ARL6IP5: variants seen among roughly 807,000 people sequenced by gnomAD.
The protein encoded by ARL6IP5 is PRA1 family protein 3.
A neutral mutation model predicts 13.0 loss-of-function variants in ARL6IP5; 6 were observed. That is an observed-to-expected ratio of 0.46 (90% CI 0.25 to 0.91). The LOEUF is 0.91. ARL6IP5 is among the 40% of genes least tolerant of loss of function. The probability of loss-of-function intolerance (pLI) is 0.17; values close to 1 mark genes in which losing one functional copy is unlikely to be tolerated. For synonymous variants in ARL6IP5, 91 were observed against 91.9 expected, an observed-to-expected ratio of 0.99 and a Z score of 0.06; for missense variants, 208 against 248.8, an observed-to-expected ratio of 0.84 and a Z score of 1.10.
rs763481248 is a variant in ARL6IP5, at chr3:69,104,501, CAAGAACAAACTG to C, written c.433_444del (p.Lys145_Leu148del). 7 of 1,613,838 alleles carry C rather than the reference CAAGAACAAACTG, an allele frequency of 4.3e-6. No individual in the cohort carries two copies. In the African/African-American group the frequency reaches 8.0e-5, roughly 18 times the overall value. On this transcript the variant is annotated inframe_deletion, in exon 3 of 3. Coordinates refer to ENST00000273258, the MANE Select transcript of ARL6IP5 (RefSeq NM_006407.4). The stretch of plus-strand genomic sequence containing the variant: ...ATGCATCGTTGAGACTTCGGAACCT[CAAGAACAAACTG>C]GAGAATAAAATGGAAGGAATAGGTT...
Position 69,105,130 on chromosome 3 carries a change from C to CT in ARL6IP5, c.*495dup, listed in dbSNP as rs2092318678. On this transcript the variant is annotated 3_prime_UTR_variant, in exon 3 of 3. Transcript: ENST00000273258. ...TTCTCTTAAAAATCAAAGATGATCT[C>CT]TATCACTTTGCCACCTGTTTGATGT... 14 of 436,910 alleles carry CT rather than the reference C, an allele frequency of 3.2e-5. No individual in the cohort carries two copies. In the South Asian group the frequency reaches 4.6e-4, roughly 14 times the overall value. The allele number at this position is 436,910 out of a possible 1,614,324, so 27.1% of individuals were successfully genotyped here. A position where few individuals can be genotyped will look rare whatever the true frequency, so the allele number is the denominator to read the frequency against.
chr3:69,093,043 A>C, intron 1 of ARL6IP5, among the ~76,000 whole-genome samples: 1 of 152,148 alleles, frequency 6.6e-6, no homozygotes. Flanking sequence ...GGTTTTATGA[A>C]GTCTAATCAG....
intron 1 of ARL6IP5, among the ~76,000 whole-genome samples, chr3:69,086,251 G>A (rs556740634): frequency 2.0e-5 from 3 of 152,308 alleles, no homozygotes; most frequent in South Asian, 4.1e-4. Context: ...CAGTTGGCTC[G>A]CAGTTAATTG....
rs2092320268 is a variant in ARL6IP5 at position 69,105,673 on chromosome 3, G to A, written c.*1037G>A. 2 of 152,184 alleles carry A rather than the reference G, an allele frequency of 1.3e-5. No homozygotes were observed. The allele number at this position is 152,184 out of a possible 1,614,324, so 9.4% of individuals were successfully genotyped here. A position where few individuals can be genotyped will look rare whatever the true frequency, so the allele number is the denominator to read the frequency against. On this transcript the variant is annotated 3_prime_UTR_variant, in exon 3 of 3. Coordinates refer to ENST00000273258, the MANE Select transcript of ARL6IP5 (RefSeq NM_006407.4). Reference sequence around the variant, plus strand: ...TAATAAAAAATTTTAGATAGCAATTGTTACAACCATATGCCTTTATAGCTA... The same window carrying A: ...TAATAAAAAATTTTAGATAGCAATTATTACAACCATATGCCTTTATAGCTA...
At chr3:69,101,321 T>TC (rs1575864186) in intron 1 of ARL6IP5, among the ~76,000 whole-genome samples, 1 of 147,000 alleles carries the variant, frequency 6.8e-6, no homozygotes, top group East Asian at 2.1e-4. Flanking sequence ...TCCACCTTTT[T>TC]TTTTTTTTTT....
rs770331801 is a variant in ARL6IP5, at chr3:69,104,545, G to A, written c.476G>A (p.Arg159Lys). Residue 159 changes from arginine (R) to lysine (K), a missense_variant, in exon 3 of 3, where the codon AGG (arginine) becomes AAG (lysine). Coordinates refer to ENST00000273258, the MANE Select transcript of ARL6IP5 (RefSeq NM_006407.4). ...ENKMEGIGLK[R>K]TPMGIVLDAL... ...AAAATGGAAGGAATAGGTTTGAAGAGGACACCGATGGGCATTGTCCTGGAT... is the reference window on the plus strand; with the variant it reads ...AAAATGGAAGGAATAGGTTTGAAGAAGACACCGATGGGCATTGTCCTGGAT... 6.2e-7 allele frequency: 1 copy of A among 1,614,052 alleles called. No individual in the cohort carries two copies. Among genetic ancestry groups the A allele is most frequent in the South Asian group, 1.1e-5 (1 of 91,070 alleles).
At chr3:69,092,050 C>T (rs2092269117) in intron 1 of ARL6IP5, among the ~76,000 whole-genome samples, 1 of 151,920 alleles carries the variant, frequency 6.6e-6, no homozygotes, top group South Asian at 2.1e-4. Flanking sequence ...TCTGAGAATG[C>T]CTTCACCCTT....
At chr3:69,091,152 C>T (rs546042831) in intron 1 of ARL6IP5, among the ~76,000 whole-genome samples, 2 of 152,090 alleles carry the variant, frequency 1.3e-5, no homozygotes, top group African/African-American at 2.4e-5. Flanking sequence ...GAGCCAAGAA[C>T]GCACGCCACT....
Position 69,093,558 on chromosome 3 carries a change from T to A in ARL6IP5, c.177-8281T>A, listed in dbSNP as rs527923726. ...CAGGCAGATCACTTGAGGTCAGGAGTTCGAGACCAGCCTGGCCAACATGGT... is the reference window on the plus strand; with the variant it reads ...CAGGCAGATCACTTGAGGTCAGGAGATCGAGACCAGCCTGGCCAACATGGT... On this transcript the variant is annotated intron_variant, in intron 1 of 2. Coordinates refer to ENST00000273258, the MANE Select transcript of ARL6IP5 (RefSeq NM_006407.4). Among the ~76,000 whole-genome samples the A allele has an allele frequency of 3.1e-3, 477 of 151,658 alleles. 1 individual carries two copies. Among genetic ancestry groups the A allele is most frequent in the African/African-American group, 0.011 (447 of 41,384 alleles).
At chr3:69,100,813 T>C (rs2092302930) in intron 1 of ARL6IP5, among the ~76,000 whole-genome samples, 1 of 151,094 alleles carries the variant, frequency 6.6e-6, no homozygotes, top group Non-Finnish European at 1.5e-5. Context: ...AAAACAGTGA[T>C]TAATAGCACC....
At chr3:69,100,556 G>T (rs1441636671) in intron 1 of ARL6IP5, among the ~76,000 whole-genome samples, 1 of 152,090 alleles carries the variant, frequency 6.6e-6, no homozygotes, top group African/African-American at 2.4e-5. Flanking sequence ...GAGCTGGGCA[G>T]ATCACTTGAC....
chr3:69,101,316 CTTTTT>C (rs549402201), intron 1 of ARL6IP5, among the ~76,000 whole-genome samples: 4 of 119,448 alleles, frequency 3.3e-5, no homozygotes, highest in Admixed American at 8.2e-5. Flanking sequence ...TCAGCTCCAC[CTTTTT>C]TTTTTTTTTT....
intron 1 of ARL6IP5, among the ~76,000 whole-genome samples, chr3:69,099,421 C>T (rs184586925): frequency 1.3e-5 from 2 of 152,220 alleles, no homozygotes; most frequent in African/African-American, 4.8e-5. Context: ...CACTGTTTAG[C>T]TTTGTGCATC....
intron 1 of ARL6IP5, among the ~76,000 whole-genome samples, chr3:69,098,240 CTTTTTTTTTTTTTT>C (rs34413250): frequency 1.4e-5 from 1 of 71,822 alleles, no homozygotes. Flanking sequence ...CCATACCTGG[CTTTTTTTTTTTTTT>C]TTTTTTTGAG....
chr3:69,104,495 G>C lies in ARL6IP5; in HGVS notation c.426G>C (p.Arg142=), dbSNP rs1172125410. The C allele has an allele frequency of 1.2e-6, 2 of 1,613,894 alleles. No individual in the cohort carries two copies. Among genetic ancestry groups the C allele is most frequent in the African/African-American group, 2.7e-5 (2 of 74,910 alleles). ...TTATCCATGCATCGTTGAGACTTCG[G>C]AACCTCAAGAACAAACTGGAGAATA... ...LMFIHASLRL[R]NLKNKLENKM... is the part of the protein sequence containing the mutation. Residue 142 remains arginine, a synonymous_variant, in exon 3 of 3, where the codon CGG becomes CGC. Coordinates refer to ENST00000273258, the MANE Select transcript of ARL6IP5 (RefSeq NM_006407.4).
intron 1 of ARL6IP5, among the ~76,000 whole-genome samples, chr3:69,093,098 G>A (rs1274287245): frequency 6.6e-6 from 1 of 152,154 alleles, no homozygotes; most frequent in Non-Finnish European, 1.5e-5. Flanking sequence ...ACTGTGGGAA[G>A]CGTCAGATTT....
intron 1 of ARL6IP5, among the ~76,000 whole-genome samples, chr3:69,099,809 G>A (rs1479537018): frequency 1.3e-5 from 2 of 152,158 alleles, no homozygotes; most frequent in Non-Finnish European, 2.9e-5. Flanking sequence ...AGCCTCTAGG[G>A]TAAAAAGTTA....
At chr3:69,093,056 C>T (rs1156403590) in intron 1 of ARL6IP5, among the ~76,000 whole-genome samples, 1 of 152,082 alleles carries the variant, frequency 6.6e-6, no homozygotes, top group Non-Finnish European at 1.5e-5. Context: ...CTAATCAGAG[C>T]TTTGTACACA....
At chr3:69,102,613 C>A (rs1327049383) in intron 2 of ARL6IP5, among the ~76,000 whole-genome samples, 2 of 152,106 alleles carry the variant, frequency 1.3e-5, no homozygotes, top group Admixed American at 1.3e-4. Context: ...AAGACAAATC[C>A]CAGGTCATAC....
Sources: allele counts gnomAD v4.1 joint callset (sites outside exome capture counted in the v4.1 genomes callset), GRCh38; gene constraint gnomAD v4.1.1; transcripts MANE v1.5; gene names NCBI Gene and HGNC (gene_info 2026-07-23, HGNC 2026-07-21).